Variants in ACTR2 observed in about 807,000 individuals in gnomAD.
The protein encoded by ACTR2 is actin-related protein 2.
Under a neutral mutation model 50.2 loss-of-function variants are expected in ACTR2, and 5 were observed. The observed-to-expected ratio is 0.10, with a 90% CI of 0.05 to 0.21. The LOEUF is 0.21. Among genes scored for constraint, ACTR2 ranks in the 10% least tolerant of loss-of-function variants. The pLI is 1.00. For synonymous variants in ACTR2, 140 were observed against 162.9 expected, an observed-to-expected ratio of 0.86 and a Z score of 1.07; for missense variants, 180 against 480.6, an observed-to-expected ratio of 0.37 and a Z score of 5.85.
At chr2:65,237,807 C>A (rs1254033880) in intron 1 of ACTR2, among the ~76,000 whole-genome samples, 1 of 151,850 alleles carries the variant, frequency 6.6e-6, no homozygotes, top group Non-Finnish European at 1.5e-5. Flanking sequence ...GGTGAAACCC[C>A]GTCTCTACTA....
At chr2:65,239,786 A>G in intron 1 of ACTR2, 66 bp from the exon 2 acceptor site, 2 of 989,172 alleles carry the variant, frequency 2.0e-6, no homozygotes, top group Non-Finnish European at 3.2e-6. Flanking sequence ...TATTTTTCAG[A>G]TGCTGTCTTA....
intron 1 of ACTR2, 93 bp from the exon 2 acceptor site, chr2:65,239,759 A>G (rs1671808187): frequency 2.4e-6 from 2 of 829,962 alleles, no homozygotes; most frequent in East Asian, 5.0e-5. Context: ...TTAAAATGTT[A>G]TATAAATGCA....
intron 1 of ACTR2, among the ~76,000 whole-genome samples, chr2:65,233,795 G>C (rs1671683133): frequency 6.6e-6 from 1 of 152,026 alleles, no homozygotes; most frequent in Non-Finnish European, 1.5e-5. Context: ...ACTTTTAGTA[G>C]AGATGGGGTT....
chr2:65,268,065 C>T (rs1439728371), intron 8 of ACTR2, among the ~76,000 whole-genome samples: 4 of 151,642 alleles, frequency 2.6e-5, no homozygotes, highest in Non-Finnish European at 5.9e-5. Context: ...TCTCGATCTC[C>T]TGACCTCGTG....
intron 6 of ACTR2, among the ~76,000 whole-genome samples, chr2:65,258,249 T>G (rs529240890): frequency 3.3e-4 from 50 of 152,122 alleles, no homozygotes; most frequent in Non-Finnish European, 6.8e-4. Flanking sequence ...TCCTTCTCTC[T>G]TTTCTCAAAG....
In ACTR2 at chr2:65,227,998, G is replaced by A. The variant is rs748551002; in HGVS notation, c.48+41G>A. 10 of 1,477,274 alleles carry A rather than the reference G, an allele frequency of 6.8e-6. No individual in the cohort carries two copies. In the African/African-American group the frequency reaches 1.2e-4, roughly 17 times the overall value. The allele number at this position is 1,477,274 out of a possible 1,614,324, so 91.5% of individuals were successfully genotyped here. On this transcript the variant is annotated intron_variant, in intron 1 of 8. Transcript: ENST00000260641. ...GGAGGCCTTGGCGGCCACAGACGCC[G>A]GCGGGGACGAGCAGCTGGCGCACGG... is the stretch of plus-strand genomic sequence containing the variant.
At chr2:65,228,063 C>G in intron 1 of ACTR2, 106 bp downstream of exon 1, 1 of 1,114,798 alleles carries the variant, frequency 9.0e-7, no homozygotes, top group Non-Finnish European at 1.2e-6. Flanking sequence ...GCCCTCGGGG[C>G]GAAGGGGCGC....
intron 2 of ACTR2, among the ~76,000 whole-genome samples, chr2:65,245,624 A>G (rs1401578679): frequency 6.6e-6 from 1 of 152,168 alleles, no homozygotes; most frequent in Non-Finnish European, 1.5e-5. Flanking sequence ...TAGTTTTTTT[A>G]ATTGAATTTA....
chr2:65,267,582 A>G (rs1173664427), intron 8 of ACTR2, among the ~76,000 whole-genome samples: 2 of 152,222 alleles, frequency 1.3e-5, no homozygotes, highest in East Asian at 1.9e-4. Flanking sequence ...TTGACCAACC[A>G]TAAAGATAAG....
intron 1 of ACTR2, among the ~76,000 whole-genome samples, chr2:65,235,327 C>T (rs1246361482): frequency 6.6e-6 from 1 of 152,170 alleles, no homozygotes; most frequent in African/African-American, 2.4e-5. Context: ...TGAACTACTA[C>T]TCCTGAATTC....
chr2:65,230,534 C>G (rs1209209748), intron 1 of ACTR2, among the ~76,000 whole-genome samples: 2 of 151,276 alleles, frequency 1.3e-5, no homozygotes, highest in Non-Finnish European at 2.9e-5. Context: ...GCTTCAGCCT[C>G]CCGAGTAGCT....
intron 8 of ACTR2, among the ~76,000 whole-genome samples, chr2:65,266,121 A>G (rs191019893): frequency 1.4e-4 from 22 of 152,376 alleles, no homozygotes; most frequent in Non-Finnish European, 2.5e-4. Flanking sequence ...GGTGCCAGAC[A>G]TAGGTCTAGG....
chr2:65,263,906 T>A (rs1046113349), intron 7 of ACTR2, among the ~76,000 whole-genome samples: 7 of 151,916 alleles, frequency 4.6e-5, no homozygotes, highest in Non-Finnish European at 8.8e-5. Context: ...ATACAAAAAA[T>A]TAGCTGGGTG....
At chr2:65,264,902 C>A in intron 7 of ACTR2, 141 bp from the exon 8 acceptor site, 2 of 913,896 alleles carry the variant, frequency 2.2e-6, no homozygotes, top group East Asian at 2.4e-5. Flanking sequence ...GTAATAACAG[C>A]AAATATTCAG....
At chr2:65,230,137 G>A (rs1671607755) in intron 1 of ACTR2, among the ~76,000 whole-genome samples, 1 of 152,040 alleles carries the variant, frequency 6.6e-6, no homozygotes, top group Non-Finnish European at 1.5e-5. Flanking sequence ...TTACATGTGC[G>A]GCTAAAATTC....
chr2:65,268,969 T>A lies in ACTR2; in HGVS notation c.*235T>A, dbSNP rs1268309180. 1 of 429,742 alleles carries A rather than the reference T, an allele frequency of 2.3e-6. No homozygotes were observed. Among genetic ancestry groups the A allele is most frequent in the Admixed American group, 4.1e-5 (1 of 24,624 alleles). 26.6% of individuals were successfully genotyped at this position (429,742 alleles called of 1,614,324 possible). A position where few individuals can be genotyped will look rare whatever the true frequency, so the allele number is the denominator to read the frequency against. On this transcript the variant is annotated 3_prime_UTR_variant, in exon 9 of 9. Transcript: ENST00000260641. ...AGACTAGAGGGCTAAGGATTCTGTC[T>A]GCTGCTTTGTTTCTTCTAAGTAGGC... is the stretch of plus-strand genomic sequence containing the variant.
At position 65,270,332 on chromosome 2, in the gene ACTR2, G is replaced by A. The variant is rs975176120; in HGVS notation, c.*1598G>A. ...CATTAGCTTAAATAAGCAGCAGAAG[G>A]TTAGTTTTAATTATGTAGCTTCTGT... On this transcript the variant is annotated 3_prime_UTR_variant, in exon 9 of 9. Coordinates refer to ENST00000260641, the MANE Select transcript of ACTR2 (RefSeq NM_005722.4). 9.8e-5 allele frequency: 15 copies of A among 152,550 alleles called. No homozygotes were observed. Among genetic ancestry groups the A allele is most frequent in the Non-Finnish European group, 2.1e-4 (14 of 68,030 alleles). 9.4% of individuals were successfully genotyped at this position (152,550 alleles called of 1,614,324 possible). A position where few individuals can be genotyped will look rare whatever the true frequency, so the allele number is the denominator to read the frequency against.
chr2:65,235,128 TAAAAG>T (rs1671715156), intron 1 of ACTR2, among the ~76,000 whole-genome samples: 1 of 152,086 alleles, frequency 6.6e-6, no homozygotes, highest in Non-Finnish European at 1.5e-5. Flanking sequence ...GATTTTGACT[TAAAAG>T]AGAGTTTGTG....
At chr2:65,236,271 G>A (rs1671736752) in intron 1 of ACTR2, among the ~76,000 whole-genome samples, 2 of 151,714 alleles carry the variant, frequency 1.3e-5, no homozygotes, top group South Asian at 4.2e-4. Flanking sequence ...AGGAGGCAGA[G>A]GTTGCAGTGA....
Sources: allele counts gnomAD v4.1 joint callset (sites outside exome capture counted in the v4.1 genomes callset), GRCh38; gene constraint gnomAD v4.1.1; transcripts MANE v1.5; gene names NCBI Gene and HGNC (gene_info 2026-07-23, HGNC 2026-07-21).